The following SPATA21 variants were observed in gnomAD, a reference collection of about 807,000 sequenced individuals.
SPATA21 encodes the protein spermatogenesis-associated protein 21.
In SPATA21, 47 loss-of-function variants were observed where a neutral mutation model predicts 54.8. The observed-to-expected ratio is 0.86, with a 90% CI of 0.68 to 1.09. The LOEUF (loss-of-function observed/expected upper bound fraction) is 1.09, where lower values mean the gene tolerates loss of function less well. Ranked by LOEUF, SPATA21 falls within the 50% of genes least tolerant of loss-of-function variation. SPATA21 has a pLI of 0.00. For missense variants in SPATA21, 599 were observed against 596.4 expected (o/e 1.00, Z -0.05); for synonymous variants, 245 against 235.3 (o/e 1.04, Z -0.38).
chr1:16,398,353 G>T (rs969868553), downstream of SPATA21, among the ~76,000 whole-genome samples: 4 of 152,126 alleles, frequency 2.6e-5, no homozygotes, highest in African/African-American at 9.7e-5. Context: ...TCTGTCGGGG[G>T]AGCATGCAGA....
chr1:16,421,692 C>T lies in SPATA21; in HGVS notation c.96-135G>A, dbSNP rs576587421. 7.2e-6 allele frequency: 8 copies of T among 1,109,560 alleles called. No homozygotes were observed. In the African/African-American group the frequency reaches 9.4e-5, roughly 13 times the overall value. The allele number at this position is 1,109,560 out of a possible 1,614,324, so 68.7% of individuals were successfully genotyped here. ...CTTGGCCTTCTCATCTCAGGGGGCT[C>T]CTTATGTCCCCACATCCTCATATAT... is the stretch of plus-strand genomic sequence containing the variant. On this transcript the variant is annotated intron_variant, in intron 4 of 12. Transcript: ENST00000335496. The surrounding 1 kb of genome is among the most constrained non-coding windows in gnomAD (Gnocchi z 5.2).
In SPATA21 at chr1:16,415,809, C is replaced by T. The variant is rs76122735; in HGVS notation, c.144+5700G>A. ...TCCTGACCTTGTGATCCGCCCACCT[C>T]GGCCTCCCAAAGTGCTGGGATTACA... On this transcript the variant is annotated intron_variant, in intron 5 of 12. Transcript: ENST00000335496. 1.1e-3 allele frequency among the ~76,000 whole-genome samples: 167 copies of T among 152,250 alleles called. 2 individuals are homozygous for T. The South Asian group carries it at 0.011, about 10-fold the overall frequency.
Position 16,403,770 on chromosome 1 carries a change from C to T in SPATA21, c.958G>A (p.Glu320Lys). The T allele has an allele frequency of 6.2e-7, 1 of 1,614,034 alleles. No individual in the cohort carries two copies. Among genetic ancestry groups the T allele is most frequent in the South Asian group, 1.1e-5 (1 of 91,054 alleles). The part of the protein sequence containing the change: ...LLFEILSLLV[E>K]MLALPEAVLE... ...ACTGCCTCTGGTAAGGCCAGCATCTCTACCAGCAGGGACAGGATCTCAAAG... is the reference window on the plus strand; with the variant it reads ...ACTGCCTCTGGTAAGGCCAGCATCTTTACCAGCAGGGACAGGATCTCAAAG... The change falls in exon 10 of 13, where the codon GAG becomes AAG. Residue 320 changes from glutamate (E) to lysine (K), a missense_variant. Physicochemically the swap from Glu to Lys is moderately conservative, Grantham distance 56. Coordinates refer to ENST00000335496, the MANE Select transcript of SPATA21 (RefSeq NM_198546.1).
intron 3 of SPATA21, among the ~76,000 whole-genome samples, chr1:16,430,348 G>A (rs758121370): frequency 1.3e-5 from 2 of 151,984 alleles, no homozygotes; most frequent in African/African-American, 4.8e-5. Flanking sequence ...CAGGAGGATC[G>A]CTTAAGCCTG....
chr1:16,411,842 C>T (rs192155199), intron 5 of SPATA21, among the ~76,000 whole-genome samples: 1 of 151,664 alleles, frequency 6.6e-6, no homozygotes, highest in African/African-American at 2.4e-5. Context: ...TACCACCCCA[C>T]CCCTGATCAT....
intron 3 of SPATA21, 104 bp downstream of exon 3, chr1:16,431,234 G>T (rs1291307959): frequency 6.2e-7 from 1 of 1,606,000 alleles, no homozygotes; most frequent in South Asian, 1.1e-5. Flanking sequence ...ATGGGGTGCA[G>T]GTCCCTACCT....
At chr1:16,425,400 G>C in intron 3 of SPATA21, 1 of 1,116,376 alleles carries the variant, frequency 9.0e-7, no homozygotes. Flanking sequence ...CCCTGCCTCA[G>C]CCTCCCAAGT....
At chr1:16,425,256 C>G (rs1570197215) in intron 3 of SPATA21, 1 of 615,420 alleles carries the variant, frequency 1.6e-6, no homozygotes, top group East Asian at 3.6e-5. Context: ...GGGGGAATAG[C>G]CCAGTGACCC....
chr1:16,426,579 A>ATATATTTTTT (rs1401259793), intron 3 of SPATA21, among the ~76,000 whole-genome samples: 1 of 107,154 alleles, frequency 9.3e-6, no homozygotes, highest in East Asian at 3.4e-4. Flanking sequence ...ATATATATAT[A>ATATATTTTTT]TTTTTTTTTT....
intron 7 of SPATA21, 45 bp from the exon 8 acceptor site, chr1:16,405,149 T>C (rs747895046): frequency 1.4e-5 from 22 of 1,573,164 alleles, no homozygotes. Flanking sequence ...ATTTCTTGTT[T>C]CTGTCATTCA....
intron 5 of SPATA21, among the ~76,000 whole-genome samples, chr1:16,411,479 C>T (rs11260747): frequency 1.4e-4 from 21 of 152,178 alleles, no homozygotes; most frequent in African/African-American, 3.9e-4. Flanking sequence ...CCACCAAAAC[C>T]GCTAATCTTC....
intron 5 of SPATA21, among the ~76,000 whole-genome samples, chr1:16,416,271 C>G (rs1045059705): frequency 6.6e-6 from 1 of 152,184 alleles, no homozygotes; most frequent in African/African-American, 2.4e-5. Flanking sequence ...AGTGCTAAGG[C>G]CAAATGCTTC....
intron 7 of SPATA21, among the ~76,000 whole-genome samples, chr1:16,405,377 C>T (rs1205006903): frequency 6.6e-6 from 1 of 151,282 alleles, no homozygotes; most frequent in African/African-American, 2.4e-5. Context: ...CGGTGCATGA[C>T]TGTTGTCCCA....
At chr1:16,432,096 T>TCTTCTTCTTCTTCTTCTTCTTC (rs1557675648) in intron 2 of SPATA21, among the ~76,000 whole-genome samples, 6 of 148,210 alleles carry the variant, frequency 4.0e-5, no homozygotes, top group African/African-American at 1.5e-4. Context: ...TTCTTTTTCT[T>TCTTCTTCTTCTTCTTCTTCTTC]TTCTTCTTCT....
intron 7 of SPATA21, among the ~76,000 whole-genome samples, chr1:16,408,908 G>GCC (rs551971793): frequency 5.4e-5 from 8 of 148,440 alleles, no homozygotes; most frequent in African/African-American, 1.2e-4. Context: ...ATGAGTTCTG[G>GCC]CCCCCCCAAC....
In SPATA21 at chr1:16,421,218, T is replaced by C. The variant is rs2100859559; in HGVS notation, c.144+291A>G. ...AGGGCAAATGGGTGGAAGAAATCCA[T>C]GCTGATGTGGAACAAGCCACCACCT... On this transcript the variant is annotated intron_variant, in intron 5 of 12. Transcript: ENST00000335496. This position sits in a 1 kb window ranked among gnomAD's most constrained non-coding sequence, Gnocchi z 5.2. Among the ~76,000 whole-genome samples the C allele has an allele frequency of 6.6e-6, 1 of 152,142 alleles. No individual in the cohort carries two copies.
At chr1:16,429,661 A>G (rs931851680) in intron 3 of SPATA21, among the ~76,000 whole-genome samples, 13 of 150,392 alleles carry the variant, frequency 8.6e-5, no homozygotes, top group African/African-American at 2.9e-4. Context: ...TTTAGTAGAG[A>G]CTGGGTTTCT....
intron 10 of SPATA21, among the ~76,000 whole-genome samples, chr1:16,403,113 A>G (rs6675163): frequency 0.47 from 71,256 of 152,030 alleles, 17,243 homozygotes; most frequent in East Asian, 0.68. Context: ...ACCTATGGCT[A>G]TCTCTTCCTT....
intron 5 of SPATA21, among the ~76,000 whole-genome samples, chr1:16,415,626 C>T (rs1188285304): frequency 2.6e-5 from 4 of 151,852 alleles, no homozygotes; most frequent in African/African-American, 9.7e-5. Flanking sequence ...TTGGTGTGAT[C>T]TCGGCTCACT....
Sources: gnomAD v4.1 joint callset for allele counts (sites outside exome capture counted in the v4.1 genomes callset) on GRCh38, gnomAD v4.1.1 for gene constraint, Gnocchi (gnomAD v3.1) non-coding constraint, MANE v1.5 for transcripts, NCBI Gene and HGNC (gene_info 2026-07-23, HGNC 2026-07-21) for gene names.